The following KCNN2 variants were observed in gnomAD, a reference collection of about 807,000 sequenced individuals.
The protein encoded by KCNN2 is small conductance calcium-activated potassium channel protein 2.
A neutral mutation model predicts 55.5 loss-of-function variants in KCNN2; 24 were observed. That is an observed-to-expected ratio of 0.43 (90% CI 0.31 to 0.61). KCNN2 has a LOEUF of 0.61. Among genes scored for constraint, KCNN2 ranks in the 20% least tolerant of loss-of-function variants. The pLI, the probability that KCNN2 is intolerant of heterozygous loss-of-function variation, is 0.08. For synonymous variants in KCNN2, 431 were observed against 336.1 expected (o/e 1.28, Z -3.09); for missense variants, 754 against 853.6 (o/e 0.88, Z 1.45).
chr5:114,399,487 G>C (rs1758718448), intron 2 of KCNN2, among the ~76,000 whole-genome samples: 1 of 152,124 alleles, frequency 6.6e-6, no homozygotes, highest in Non-Finnish European at 1.5e-5. Flanking sequence ...ATGTGCTGCT[G>C]GATTCTGGTT....
chr5:114,276,189 AG>A (rs1755484055), intron 2 of KCNN2, among the ~76,000 whole-genome samples: 2 of 152,330 alleles, frequency 1.3e-5, no homozygotes, highest in East Asian at 3.9e-4. Context: ...CAGTGGTCTG[AG>A]AGACAGTTTA....
intron 1 of KCNN2, among the ~76,000 whole-genome samples, chr5:114,120,140 A>C (rs1751797170): frequency 6.6e-6 from 1 of 152,140 alleles, no homozygotes; most frequent in Admixed American, 6.5e-5. Flanking sequence ...ACATTATGGA[A>C]ATATACCTGT....
intron 3 of KCNN2, among the ~76,000 whole-genome samples, chr5:114,426,613 C>T (rs551055329): frequency 6.6e-6 from 1 of 152,192 alleles, no homozygotes; most frequent in East Asian, 1.9e-4. Flanking sequence ...TTATAGGCCT[C>T]TCATTTTTAA....
At chr5:114,475,966 T>C (rs1761945748) in intron 5 of KCNN2, among the ~76,000 whole-genome samples, 1 of 152,332 alleles carries the variant, frequency 6.6e-6, no homozygotes, top group African/African-American at 2.4e-5. Context: ...CATTAAGTAC[T>C]GTTCTGGTTT....
intron 1 of KCNN2, among the ~76,000 whole-genome samples, chr5:114,113,662 C>G (rs1271490312): frequency 6.6e-6 from 1 of 152,006 alleles, no homozygotes; most frequent in Non-Finnish European, 1.5e-5. Context: ...TGTGACAAGG[C>G]AAAGGAAAGA....
chr5:114,088,146 A>G (rs1278331140), intron 1 of KCNN2, among the ~76,000 whole-genome samples: 1 of 152,128 alleles, frequency 6.6e-6, no homozygotes, highest in Non-Finnish European at 1.5e-5. Context: ...CACTGGATAT[A>G]AAATATAGAT....
At chr5:114,250,795 G>C (rs917018746) in intron 2 of KCNN2, among the ~76,000 whole-genome samples, 5 of 152,144 alleles carry the variant, frequency 3.3e-5, no homozygotes, top group African/African-American at 1.2e-4. Context: ...TCTACTGCCT[G>C]ATTCTGAGCC....
chr5:114,216,005 A>G (rs961824398), intron 1 of KCNN2, among the ~76,000 whole-genome samples: 7 of 152,198 alleles, frequency 4.6e-5, no homozygotes, highest in African/African-American at 1.4e-4. Context: ...TTAAAAAATT[A>G]TAATATAGAA....
At chr5:114,361,525 A>G (rs867529370), upstream of KCNN2, among the ~76,000 whole-genome samples, 1 of 152,306 alleles carries the variant, frequency 6.6e-6, no homozygotes, top group African/African-American at 2.4e-5. Context: ...GGCAGCCGGC[A>G]GCCCACTCTC....
intron 2 of KCNN2, among the ~76,000 whole-genome samples, chr5:114,402,996 G>C (rs1758832458): frequency 6.6e-6 from 1 of 152,232 alleles, no homozygotes; most frequent in Non-Finnish European, 1.5e-5. Flanking sequence ...CGAGGAGCAA[G>C]TGCATTGGGG....
chr5:114,171,372 G>A (rs1753029078), intron 1 of KCNN2, among the ~76,000 whole-genome samples: 1 of 151,936 alleles, frequency 6.6e-6, no homozygotes, highest in African/African-American at 2.4e-5. Context: ...TACTTCAGTT[G>A]TTTCTCATTG....
intron 3 of KCNN2, among the ~76,000 whole-genome samples, chr5:114,422,583 A>T (rs1759502022): frequency 6.6e-6 from 1 of 152,232 alleles, no homozygotes; most frequent in Non-Finnish European, 1.5e-5. Flanking sequence ...TAAAAAGAGA[A>T]AAAAGACTGA....
intron 2 of KCNN2, among the ~76,000 whole-genome samples, chr5:114,366,418 A>G (rs1326247717): frequency 6.6e-6 from 1 of 152,156 alleles, no homozygotes; most frequent in African/African-American, 2.4e-5. Context: ...ATTAATTTGG[A>G]TGTAGCTTTT....
At chr5:114,116,213 A>G (rs139651891) in intron 1 of KCNN2, among the ~76,000 whole-genome samples, 3 of 152,238 alleles carry the variant, frequency 2.0e-5, no homozygotes, top group Non-Finnish European at 2.9e-5. Flanking sequence ...GTGTATCCCC[A>G]TGGGAAAACC....
At chr5:114,434,845 G>T (rs943202502) in intron 3 of KCNN2, among the ~76,000 whole-genome samples, 1 of 152,142 alleles carries the variant, frequency 6.6e-6, no homozygotes, top group Non-Finnish European at 1.5e-5. Flanking sequence ...ATGGGGAATG[G>T]GGTGCCTGTA....
At chr5:114,137,924 T>C (rs540909247) in intron 1 of KCNN2, among the ~76,000 whole-genome samples, 3 of 152,292 alleles carry the variant, frequency 2.0e-5, no homozygotes, top group African/African-American at 4.8e-5. Flanking sequence ...ATAAGTGGTA[T>C]GTGGAAACAT....
At chr5:114,188,502 C>T (rs374957077) in intron 1 of KCNN2, among the ~76,000 whole-genome samples, 6 of 151,934 alleles carry the variant, frequency 3.9e-5, no homozygotes, top group South Asian at 4.1e-4. Flanking sequence ...TATGAAAATA[C>T]GTAAGATATT....
intron 1 of KCNN2, among the ~76,000 whole-genome samples, chr5:114,213,524 C>A (rs1405317503): frequency 3.3e-5 from 5 of 151,460 alleles, no homozygotes; most frequent in Non-Finnish European, 7.4e-5. Context: ...ATTTGCATTC[C>A]TGAAATGTCT....
chr5:114,094,634 C>A (rs1318694129), intron 1 of KCNN2, among the ~76,000 whole-genome samples: 1 of 152,220 alleles, frequency 6.6e-6, no homozygotes, highest in African/African-American at 2.4e-5. Flanking sequence ...AGTAACACCT[C>A]CTGAATTTAG....
Sources: gnomAD v4.1 joint callset for allele counts (sites outside exome capture counted in the v4.1 genomes callset) on GRCh38, gnomAD v4.1.1 for gene constraint, MANE v1.5 for transcripts, NCBI Gene and HGNC (gene_info 2026-07-23, HGNC 2026-07-21) for gene names.